Variants in GLT1D1 observed in about 807,000 individuals in gnomAD.
GLT1D1 encodes the protein glycosyltransferase 1 domain containing 1.
Under a neutral mutation model 28.7 loss-of-function variants are expected in GLT1D1, and 21 were observed. That is an observed-to-expected ratio of 0.73 (90% CI 0.52 to 1.05). The LOEUF (loss-of-function observed/expected upper bound fraction) is 1.05, where lower values mean the gene tolerates loss of function less well. GLT1D1 is among the 50% of genes least tolerant of loss of function. GLT1D1 has a pLI of 0.00. For missense variants in GLT1D1, 343 were observed against 330.6 expected, an observed-to-expected ratio of 1.04 and a Z score of -0.29; for synonymous variants, 147 against 124.8, an observed-to-expected ratio of 1.18 and a Z score of -1.19.
In GLT1D1 at chr12:128,983,829, A is replaced by G. The variant is rs1565933265; in HGVS notation, c.*739A>G. 6.6e-6 allele frequency: 1 copy of G among 152,248 alleles called. No homozygotes were observed. The highest frequency in any genetic ancestry group is 1.5e-5 in the Non-Finnish European group (1 of 68,046). 9.4% of individuals were successfully genotyped at this position (152,248 alleles called of 1,614,324 possible). On this transcript the variant is annotated 3_prime_UTR_variant, in exon 8 of 8. Coordinates refer to ENST00000281703, the MANE Select transcript of GLT1D1 (RefSeq NM_144669.3). The surrounding 1 kb of genome is among the most constrained non-coding windows in gnomAD (Gnocchi z 4.7). Reference sequence around the variant, plus strand: ...GATGGAGGCCTGAGGCTTTGGGTCCAGGGTGGGCTCTTCCCCTTCCCACAT... The same window carrying G: ...GATGGAGGCCTGAGGCTTTGGGTCCGGGGTGGGCTCTTCCCCTTCCCACAT...
chr12:128,979,386 G>A (rs1357010274), intron 7 of GLT1D1, among the ~76,000 whole-genome samples: 4 of 152,076 alleles, frequency 2.6e-5, no homozygotes, highest in Non-Finnish European at 5.9e-5. Context: ...TCTAGGGCAC[G>A]GTTGGTGGCG....
chr12:128,973,179 G>GTTTTTTTTTTTTTTTTT lies in GLT1D1; in HGVS notation c.640-9739_640-9723dup, dbSNP rs61169176. Among the ~76,000 whole-genome samples, 7 of 50,958 alleles carry GTTTTTTTTTTTTTTTTT rather than the reference G, an allele frequency of 1.4e-4. 1 individual carries two copies. Among genetic ancestry groups the GTTTTTTTTTTTTTTTTT allele is most frequent in the Non-Finnish European group, 2.8e-4 (7 of 24,890 alleles). 33.4% of individuals were successfully genotyped at this position (50,958 alleles called of 152,430 possible). ...CTTTTCTGTTTTGTTTGTTTGCTTGGTTTTTTTTTTTTTTTTTTTTTTTTT... is the reference window on the plus strand; with the variant it reads ...CTTTTCTGTTTTGTTTGTTTGCTTGGTTTTTTTTTTTTTTTTTTTTTTTTTTTTTTTTTTTTTTTTTT... On this transcript the variant is annotated intron_variant, in intron 7 of 7. Transcript: ENST00000281703.
At chr12:128,882,126 G>A (rs955289347) in intron 2 of GLT1D1, among the ~76,000 whole-genome samples, 1 of 152,038 alleles carries the variant, frequency 6.6e-6, no homozygotes, top group African/African-American at 2.4e-5. Flanking sequence ...TTAACAGCTT[G>A]GAGAAGTGGA....
intron 4 of GLT1D1, among the ~76,000 whole-genome samples, chr12:128,929,098 C>T (rs954718714): frequency 3.3e-5 from 5 of 152,180 alleles, no homozygotes; most frequent in Admixed American, 6.5e-5. Flanking sequence ...AGAGCTGCCT[C>T]GCCCCTTCCA....
intron 7 of GLT1D1, among the ~76,000 whole-genome samples, chr12:128,974,127 A>G (rs1194736892): frequency 6.6e-6 from 1 of 152,102 alleles, no homozygotes. Flanking sequence ...GAGAGGGCGC[A>G]TAGGAATAGT....
At chr12:128,943,301 C>T (rs1449682664) in intron 4 of GLT1D1, among the ~76,000 whole-genome samples, 7 of 151,926 alleles carry the variant, frequency 4.6e-5, no homozygotes, top group South Asian at 2.1e-4. Flanking sequence ...TATTTACTAA[C>T]GACAAAGTGT....
intron 5 of GLT1D1, among the ~76,000 whole-genome samples, chr12:128,947,079 C>T (rs543798538): frequency 3.3e-4 from 51 of 152,322 alleles, no homozygotes; most frequent in South Asian, 2.1e-3. Flanking sequence ...TCTGACTCTT[C>T]TAGTCCTTGA....
At chr12:128,977,383 A>G (rs1593219484) in intron 7 of GLT1D1, among the ~76,000 whole-genome samples, 1 of 152,166 alleles carries the variant, frequency 6.6e-6, no homozygotes, top group Admixed American at 6.5e-5. Context: ...TCACAAGTGC[A>G]TTACCTGAGC....
chr12:128,968,698 C>T (rs1878730511), intron 7 of GLT1D1, among the ~76,000 whole-genome samples: 1 of 152,058 alleles, frequency 6.6e-6, no homozygotes, highest in African/African-American at 2.4e-5. Context: ...ATGTAAACCT[C>T]ACCCGAGCAG....
chr12:128,935,650 G>T (rs1438216252), intron 4 of GLT1D1, among the ~76,000 whole-genome samples: 1 of 151,916 alleles, frequency 6.6e-6, no homozygotes, highest in Non-Finnish European at 1.5e-5. Context: ...TTTATTTGTA[G>T]AGATGGGATC....
At chr12:128,891,209 C>T (rs952149377) in intron 3 of GLT1D1, among the ~76,000 whole-genome samples, 4 of 151,192 alleles carry the variant, frequency 2.6e-5, no homozygotes, top group Middle Eastern at 3.4e-3. Flanking sequence ...TGAAAAAAAG[C>T]GGAAATTAAA....
Position 128,947,503 on chromosome 12 carries a change from C to T in GLT1D1, c.540+45C>T, listed in dbSNP as rs183814004. Reference sequence around the variant, plus strand: ...ACTGAAAGTGGGAGTGTGAAATTGTCCATCACTCCTTCTCCTATTTACGGA... The same window carrying T: ...ACTGAAAGTGGGAGTGTGAAATTGTTCATCACTCCTTCTCCTATTTACGGA... On this transcript the variant is annotated intron_variant, in intron 6 of 7. Transcript: ENST00000281703. 3.9e-4 allele frequency: 628 copies of T among 1,606,400 alleles called. No individual in the cohort carries two copies. In the African/African-American group the frequency reaches 7.7e-3, roughly 20 times the overall value.
At chr12:128,930,914 G>T (rs1022824801) in intron 4 of GLT1D1, among the ~76,000 whole-genome samples, 3 of 152,106 alleles carry the variant, frequency 2.0e-5, no homozygotes. Context: ...TAGGAGAGAC[G>T]ACCGTTGTTG....
At chr12:128,870,880 A>G (rs746228901) in intron 1 of GLT1D1, among the ~76,000 whole-genome samples, 2 of 152,156 alleles carry the variant, frequency 1.3e-5, no homozygotes, top group African/African-American at 2.4e-5. Context: ...AATCCCAGCT[A>G]TTCTGGAGGC....
intron 1 of GLT1D1, among the ~76,000 whole-genome samples, chr12:128,857,752 G>A (rs1034572531): frequency 2.0e-5 from 3 of 152,184 alleles, no homozygotes; most frequent in Non-Finnish European, 2.9e-5. Flanking sequence ...GGCAGAATAG[G>A]AGGTCAGAAT....
intron 4 of GLT1D1, among the ~76,000 whole-genome samples, chr12:128,901,322 G>A (rs1041295125): frequency 3.3e-5 from 5 of 151,818 alleles, no homozygotes; most frequent in African/African-American, 1.2e-4. Flanking sequence ...GTTTTGCCTT[G>A]TTGGCCAGGC....
chr12:128,869,161 A>C (rs1017730486), intron 1 of GLT1D1, among the ~76,000 whole-genome samples: 3 of 151,470 alleles, frequency 2.0e-5, no homozygotes, highest in African/African-American at 7.3e-5. Context: ...GAGCCACCGC[A>C]CCCAGCCTCG....
chr12:128,972,016 T>C (rs1332929170), intron 7 of GLT1D1, among the ~76,000 whole-genome samples: 5 of 150,916 alleles, frequency 3.3e-5, no homozygotes, highest in African/African-American at 9.7e-5. Context: ...TGACTCTCTG[T>C]CGCACACGTC....
chr12:128,977,195 C>G (rs781252828), intron 7 of GLT1D1, among the ~76,000 whole-genome samples: 16 of 152,086 alleles, frequency 1.1e-4, no homozygotes, highest in Non-Finnish European at 1.5e-5. Context: ...TCCTCTGGAT[C>G]TTGGTGAAAC....
Sources: allele counts gnomAD v4.1 joint callset (sites outside exome capture counted in the v4.1 genomes callset), GRCh38; gene constraint gnomAD v4.1.1; non-coding constraint Gnocchi (gnomAD v3.1); transcripts MANE v1.5; gene names NCBI Gene and HGNC (gene_info 2026-07-23, HGNC 2026-07-21).